PPARGC1A: variants seen among roughly 807,000 people sequenced by gnomAD.
PPARGC1A encodes the protein peroxisome proliferator-activated receptor gamma coactivator 1-alpha.
PPARGC1A carries 25 observed loss-of-function variants against 88.7 expected under a neutral mutation model. That is an observed-to-expected ratio of 0.28 (90% CI 0.21 to 0.39). The LOEUF (loss-of-function observed/expected upper bound fraction) is 0.39. Among genes scored for constraint, PPARGC1A ranks in the 10% least tolerant of loss-of-function variants. PPARGC1A has a pLI of 1.00. For synonymous variants in PPARGC1A, 363 were observed against 355.6 expected, an observed-to-expected ratio of 1.02 and a Z score of -0.24; for missense variants, 880 against 968.7, an observed-to-expected ratio of 0.91 and a Z score of 1.22.
the PPARGC1A span, chr4:24,258,084 T>G: frequency 2.8e-6 from 1 of 353,154 alleles, no homozygotes; most frequent in African/African-American, 2.2e-5. Context: ...GAAGTCAGAT[T>G]ATCAATATCT....
At chr4:24,191,321 G>T in the PPARGC1A span, among the ~76,000 whole-genome samples, 12 of 152,222 alleles carry the variant, frequency 7.9e-5, no homozygotes, top group Non-Finnish European at 1.6e-4. Context: ...CCTTCAGAGG[G>T]ATGCATTAAC....
intron 2 of PPARGC1A, among the ~76,000 whole-genome samples, chr4:23,842,587 T>G (rs1032976510): frequency 6.6e-6 from 1 of 152,078 alleles, no homozygotes; most frequent in African/African-American, 2.4e-5. Context: ...TCCTTTGTTT[T>G]GGGGGCTGTC....
chr4:24,193,409 T>A, the PPARGC1A span, among the ~76,000 whole-genome samples: 1 of 152,134 alleles, frequency 6.6e-6, no homozygotes, highest in Admixed American at 6.5e-5. Context: ...ATGACTCAAA[T>A]CAACATCTCA....
At chr4:23,827,022 C>T (rs1724084563) in intron 5 of PPARGC1A, among the ~76,000 whole-genome samples, 3 of 152,086 alleles carry the variant, frequency 2.0e-5, no homozygotes, top group African/African-American at 7.2e-5. Flanking sequence ...CATCTGCTTC[C>T]CCTCACCTGA....
At chr4:24,196,880 G>C in the PPARGC1A span, among the ~76,000 whole-genome samples, 4 of 152,164 alleles carry the variant, frequency 2.6e-5, no homozygotes, top group African/African-American at 9.7e-5. Context: ...TGAAACAGGG[G>C]GATCTAATTG....
chr4:24,257,006 T>C, the PPARGC1A span, among the ~76,000 whole-genome samples: 1 of 152,184 alleles, frequency 6.6e-6, no homozygotes, highest in Non-Finnish European at 1.5e-5. Flanking sequence ...TGTAGGGAGA[T>C]GCAGTAAGTG....
At chr4:23,956,120 T>C in the PPARGC1A span, among the ~76,000 whole-genome samples, 1 of 152,100 alleles carries the variant, frequency 6.6e-6, no homozygotes, top group East Asian at 1.9e-4. Flanking sequence ...TTCAACTACT[T>C]AAAAATATAA....
chr4:24,336,337 TCTC>T, the PPARGC1A span, among the ~76,000 whole-genome samples: 1 of 152,188 alleles, frequency 6.6e-6, no homozygotes, highest in Non-Finnish European at 1.5e-5. Context: ...TGGGATATTT[TCTC>T]CTAAAATGTA....
At chr4:24,317,554 C>CAAAAAAAAAAAAAAAAAAAAAAAAA in the PPARGC1A span, among the ~76,000 whole-genome samples, 3 of 14,286 alleles carry the variant, frequency 2.1e-4, no homozygotes, top group Non-Finnish European at 5.8e-4. Context: ...GTTCAGAGGA[C>CAAAAAAAAAAAAAAAAAAAAAAAAA]TAAAAAAAAA....
At chr4:24,027,614 G>T in the PPARGC1A span, among the ~76,000 whole-genome samples, 1 of 152,078 alleles carries the variant, frequency 6.6e-6, no homozygotes, top group Admixed American at 6.6e-5. Context: ...TACTCACTAT[G>T]GGTCATTGAA....
chr4:23,829,683 T>A, intron 3 of PPARGC1A, 98 bp from the exon 4 acceptor site: 1 of 1,143,010 alleles, frequency 8.7e-7, no homozygotes, highest in South Asian at 2.2e-5. Flanking sequence ...TTTATTATAA[T>A]TATAAAAGTT....
At chr4:24,220,417 A>G in the PPARGC1A span, among the ~76,000 whole-genome samples, 1 of 152,184 alleles carries the variant, frequency 6.6e-6, no homozygotes, top group African/African-American at 2.4e-5. Flanking sequence ...AAAGACACCT[A>G]CACTCACATG....
the PPARGC1A span, among the ~76,000 whole-genome samples, chr4:23,990,832 C>T: frequency 6.6e-6 from 1 of 152,024 alleles, no homozygotes; most frequent in Non-Finnish European, 1.5e-5. Flanking sequence ...AAAGCATGAC[C>T]ACTGACAAAG....
At chr4:24,212,849 T>C in the PPARGC1A span, among the ~76,000 whole-genome samples, 3 of 152,244 alleles carry the variant, frequency 2.0e-5, no homozygotes, top group Non-Finnish European at 4.4e-5. Context: ...ACAATGGTTG[T>C]GTCCCTTCCT....
the PPARGC1A span, among the ~76,000 whole-genome samples, chr4:24,101,466 C>A: frequency 6.6e-6 from 1 of 152,134 alleles, no homozygotes; most frequent in Non-Finnish European, 1.5e-5. Context: ...TTTAAGTGTG[C>A]CTATCAGAAA....
At chr4:24,469,257 T>C in the PPARGC1A span, among the ~76,000 whole-genome samples, 1 of 152,206 alleles carries the variant, frequency 6.6e-6, no homozygotes, top group South Asian at 2.1e-4. Flanking sequence ...TTAGGAACAG[T>C]TAGGAGCAGG....
At chr4:23,975,816 C>A in the PPARGC1A span, among the ~76,000 whole-genome samples, 1 of 152,216 alleles carries the variant, frequency 6.6e-6, no homozygotes, top group Non-Finnish European at 1.5e-5. Flanking sequence ...ACCAGTGGTG[C>A]AATCTTGAGC....
chr4:23,889,920 A>G lies in PPARGC1A; in HGVS notation c.38T>C (p.Val13Ala), dbSNP rs1717570585. The G allele has an allele frequency of 1.2e-6, 2 of 1,613,754 alleles. No individual in the cohort carries two copies. The highest frequency in any genetic ancestry group is 1.1e-5 in the South Asian group (1 of 91,050). Residue 13 changes from valine to alanine, a missense_variant, in exon 1 of 13, where the codon GTA becomes GCA. Coordinates refer to ENST00000264867, the MANE Select transcript of PPARGC1A (RefSeq NM_013261.5). ...CCAGCTCACCTCGATGTCACTCCAT[A>G]CAGACTCAGAGTCCTGGTTGCACAT... ...WDMCNQDSESVWSDIECAALV... is the reference protein window; with the variant it reads ...WDMCNQDSESAWSDIECAALV...
chr4:24,140,375 C>T, the PPARGC1A span, among the ~76,000 whole-genome samples: 1 of 152,196 alleles, frequency 6.6e-6, no homozygotes, highest in African/African-American at 2.4e-5. Context: ...AATCACATTG[C>T]TTTAAGACAG....
Sources: allele counts gnomAD v4.1 joint callset (sites outside exome capture counted in the v4.1 genomes callset), GRCh38; gene constraint gnomAD v4.1.1; transcripts MANE v1.5; gene names NCBI Gene and HGNC (gene_info 2026-07-23, HGNC 2026-07-21).